The following MXI1 variants were observed in gnomAD, a reference collection of about 807,000 sequenced individuals.
MXI1 encodes MAX interactor 1, dimerization protein, also known as max-interacting protein 1.
A neutral mutation model predicts 36.9 loss-of-function variants in MXI1; 18 were observed. The observed-to-expected ratio is 0.49, with a 90% CI of 0.34 to 0.72. MXI1 has a LOEUF of 0.72. Among genes scored for constraint, MXI1 ranks in the 30% least tolerant of loss-of-function variants. The pLI, the probability that MXI1 is intolerant of heterozygous loss-of-function variation, is 0.01. For synonymous variants in MXI1, 160 were observed against 146.7 expected, an observed-to-expected ratio of 1.09 and a Z score of -0.65; for missense variants, 304 against 379.1, an observed-to-expected ratio of 0.80 and a Z score of 1.64.
intron 3 of MXI1, among the ~76,000 whole-genome samples, chr10:110,255,308 A>C (rs376345400): frequency 1.3e-5 from 2 of 152,262 alleles, no homozygotes; most frequent in East Asian, 3.9e-4. Context: ...CTACTCAGAA[A>C]ATTTTTTTAA....
At position 110,280,045 on chromosome 10, in the gene MXI1, T is replaced by G. The variant is rs1387567091; in HGVS notation, c.684T>G (p.Ile228Met). The G allele has an allele frequency of 6.3e-7, 1 of 1,598,782 alleles. No homozygotes were observed. Among genetic ancestry groups the G allele is most frequent in the Admixed American group, 1.7e-5 (1 of 58,534 alleles). ...TGGAACGAATACGAATGGACAGCAT[T>G]GGATCAACTATTTCTTCAGATCGTT... ...QEMERIRMDS[I>M]GSTISSDRSD... The change falls in exon 5 of 6, where the codon ATT becomes ATG. Residue 228 changes from isoleucine to methionine, a missense_variant. Physicochemically the swap from Ile to Met is conservative, Grantham distance 10. Around this residue, in one of 2 missense-constraint regions of MXI1, gnomAD observed 125 missense variants for 194.3 expected, o/e 0.64. Transcript: ENST00000332674.
At chr10:110,282,439 A>C (rs1857287645) in intron 5 of MXI1, among the ~76,000 whole-genome samples, 1 of 152,216 alleles carries the variant, frequency 6.6e-6, no homozygotes, top group Admixed American at 6.5e-5. Flanking sequence ...AGGCAGTAGC[A>C]AGAACCTGAA....
intron 3 of MXI1, among the ~76,000 whole-genome samples, chr10:110,249,194 A>T (rs1221371087): frequency 6.6e-6 from 1 of 152,190 alleles, no homozygotes; most frequent in African/African-American, 2.4e-5. Context: ...TTATATGAAG[A>T]TAGTAACTCA....
At chr10:110,230,365 C>G (rs181985821) in intron 2 of MXI1, among the ~76,000 whole-genome samples, 47 of 152,240 alleles carry the variant, frequency 3.1e-4, no homozygotes, top group Non-Finnish European at 4.9e-4. Context: ...TTTAGCATAG[C>G]ATGTCGGAAA....
intron 3 of MXI1, among the ~76,000 whole-genome samples, chr10:110,256,005 A>G (rs1856276692): frequency 6.6e-6 from 1 of 152,146 alleles, no homozygotes; most frequent in African/African-American, 2.4e-5. Context: ...GCGTGTAGAA[A>G]TAATTTCTCA....
chr10:110,212,893 A>T (rs987004545), intron 1 of MXI1, among the ~76,000 whole-genome samples: 5 of 152,200 alleles, frequency 3.3e-5, no homozygotes, highest in African/African-American at 1.2e-4. Flanking sequence ...CAAGGAGTTT[A>T]TTAGTAACTT....
In MXI1 at chr10:110,216,665, G is replaced by GTTTTTTGTTTTGTTTTGTTTTGT. The variant is rs1554853670; in HGVS notation, c.274+8589_274+8590insGTTTTGTTTTGTTTTGTTTTTTT. On this transcript the variant is annotated intron_variant, in intron 1 of 5. Coordinates refer to ENST00000332674, the MANE Select transcript of MXI1 (RefSeq NM_130439.3). ...CCTGTCTCCCCTATCTGTGTTTAAT[G>GTTTTTTGTTTTGTTTTGTTTTGT]TTTTTTTTTTTTTTTTTTTTGGAGA... Among the ~76,000 whole-genome samples, 8 of 79,060 alleles carry GTTTTTTGTTTTGTTTTGTTTTGT rather than the reference G, an allele frequency of 1.0e-4. 1 individual carries two copies. The highest frequency in any genetic ancestry group is 1.6e-4 in the African/African-American group (2 of 12,576). The allele number at this position is 79,060 out of a possible 152,430, so 51.9% of individuals were successfully genotyped here.
At chr10:110,264,566 A>ATGT (rs1411958981) in intron 3 of MXI1, among the ~76,000 whole-genome samples, 1 of 151,874 alleles carries the variant, frequency 6.6e-6, no homozygotes, top group Non-Finnish European at 1.5e-5. Context: ...GGGTTTCACC[A>ATGT]TGTTGGCCAG....
At chr10:110,271,969 C>T (rs186653347) in intron 3 of MXI1, among the ~76,000 whole-genome samples, 5 of 152,186 alleles carry the variant, frequency 3.3e-5, no homozygotes, top group African/African-American at 9.7e-5. Flanking sequence ...TATCTTCTCT[C>T]CCTTCTCCCC....
chr10:110,245,288 T>C (rs758504041), intron 3 of MXI1, among the ~76,000 whole-genome samples: 1 of 152,174 alleles, frequency 6.6e-6, no homozygotes, highest in Non-Finnish European at 1.5e-5. Flanking sequence ...TTATCAAACA[T>C]GAGCTGTATG....
chr10:110,269,731 C>T (rs1856798204), intron 3 of MXI1, among the ~76,000 whole-genome samples: 3 of 152,184 alleles, frequency 2.0e-5, no homozygotes, highest in South Asian at 4.1e-4. Context: ...TACTTTACCC[C>T]ATGGTGGCTG....
At chr10:110,222,323 G>C (rs982752115) in intron 1 of MXI1, among the ~76,000 whole-genome samples, 13 of 152,190 alleles carry the variant, frequency 8.5e-5, no homozygotes, top group Non-Finnish European at 1.6e-4. Flanking sequence ...GTTCTCCTAA[G>C]TGCAAGGTGT....
At chr10:110,280,401 T>A (rs1443984550) in intron 5 of MXI1, among the ~76,000 whole-genome samples, 1 of 151,910 alleles carries the variant, frequency 6.6e-6, no homozygotes, top group Non-Finnish European at 1.5e-5. Flanking sequence ...AGAAATGATG[T>A]TGTGCCCGGT....
At chr10:110,243,710 AT>A (rs1855754686) in intron 2 of MXI1, among the ~76,000 whole-genome samples, 2 of 152,156 alleles carry the variant, frequency 1.3e-5, no homozygotes, top group African/African-American at 4.8e-5. Flanking sequence ...AACAATTCTA[AT>A]AGTAGCTAAC....
rs1049979946 is a variant in MXI1, at chr10:110,285,624, G to T, written c.*637G>T. On this transcript the variant is annotated 3_prime_UTR_variant, in exon 6 of 6. Coordinates refer to ENST00000332674, the MANE Select transcript of MXI1 (RefSeq NM_130439.3). ...GGATCATCATGCAGCTCAACTTTCT[G>T]TTGGATTCCATGCTAAGCAAGCTAA... 4 of 151,850 alleles carry T rather than the reference G, an allele frequency of 2.6e-5. No homozygotes were observed. Among genetic ancestry groups the T allele is most frequent in the Non-Finnish European group, 5.9e-5 (4 of 67,966 alleles). The allele number at this position is 151,850 out of a possible 1,614,324, so 9.4% of individuals were successfully genotyped here.
intron 2 of MXI1, among the ~76,000 whole-genome samples, chr10:110,239,327 C>CTTAGTTT (rs1207807325): frequency 6.6e-6 from 1 of 152,096 alleles, no homozygotes; most frequent in African/African-American, 2.4e-5. Flanking sequence ...TTAGTTTGTT[C>CTTAGTTT]CTTTTTCTAC....
rs754044211 is a variant in MXI1, at chr10:110,226,248, T to C, written c.275-1941T>C. The C allele has an allele frequency of 2.7e-6, 4 of 1,501,232 alleles. No homozygotes were observed. In the South Asian group the frequency reaches 4.9e-5, roughly 18 times the overall value. 93.0% of individuals were successfully genotyped at this position (1,501,232 alleles called of 1,614,324 possible). On this transcript the variant is annotated intron_variant, in intron 1 of 5. Coordinates refer to ENST00000332674, the MANE Select transcript of MXI1 (RefSeq NM_130439.3). The stretch of plus-strand genomic sequence containing the variant: ...AAGATGATCAACGTGCAGCGTCTGC[T>C]GGAGGCTGCCGAGTTTTTGGAGCGC...
intron 1 of MXI1, among the ~76,000 whole-genome samples, chr10:110,215,171 A>G (rs1854606769): frequency 6.6e-6 from 1 of 151,332 alleles, no homozygotes; most frequent in Non-Finnish European, 1.5e-5. Flanking sequence ...CCTCCCAAGT[A>G]GCTGGGACTA....
rs1856943070 is a variant in MXI1 at position 110,273,903 on chromosome 10, TGGACAGGG to T, written c.438-5275_438-5268del. Among the ~76,000 whole-genome samples, 3 of 152,190 alleles carry T rather than the reference TGGACAGGG, an allele frequency of 2.0e-5. No individual in the cohort carries two copies. In the South Asian group the frequency reaches 6.2e-4, roughly 32 times the overall value. On this transcript the variant is annotated intron_variant, in intron 3 of 5. Transcript: ENST00000332674. Reference sequence around the variant, plus strand: ...AGGCGGGGGTTAGATCTATTATTGTTGGACAGGGGTATTAGAGTTTTGAAAGACTACTT... The same window carrying T: ...AGGCGGGGGTTAGATCTATTATTGTTGTATTAGAGTTTTGAAAGACTACTT...
Sources: allele counts gnomAD v4.1 joint callset (sites outside exome capture counted in the v4.1 genomes callset), GRCh38; gene constraint gnomAD v4.1.1; regional missense constraint gnomAD v4.1.1; transcripts MANE v1.5; gene names NCBI Gene and HGNC (gene_info 2026-07-23, HGNC 2026-07-21).